Variants in PCDH9 observed in about 807,000 individuals in gnomAD.
The protein encoded by PCDH9 is protocadherin 9, also known as protocadherin-9.
Under a neutral mutation model 70.6 loss-of-function variants are expected in PCDH9, and 24 were observed. That is an observed-to-expected ratio of 0.34 (90% CI 0.25 to 0.48). The LOEUF (loss-of-function observed/expected upper bound fraction) is 0.48, where lower values mean the gene tolerates loss of function less well. PCDH9 is among the 20% of genes least tolerant of loss of function. The pLI is 0.99. For missense variants in PCDH9, 1,281 were observed against 1,503.6 expected (o/e 0.85, Z 2.45); for synonymous variants, 562 against 558.5 (o/e 1.01, Z -0.09).
At chr13:66,530,427 A>G (rs1960402375) in intron 4 of PCDH9, among the ~76,000 whole-genome samples, 1 of 152,082 alleles carries the variant, frequency 6.6e-6, no homozygotes, top group African/African-American at 2.4e-5. Context: ...AATTATGTCC[A>G]TAGTTATACC....
chr13:66,760,651 G>A (rs944916064), intron 3 of PCDH9, among the ~76,000 whole-genome samples: 2 of 152,132 alleles, frequency 1.3e-5, no homozygotes, highest in African/African-American at 4.8e-5. Flanking sequence ...GGATATCAGC[G>A]ATTTTCAGGC....
At position 66,462,627 on chromosome 13, in the gene PCDH9, T is replaced by C. The variant is rs1199596914; in HGVS notation, c.3341-157599A>G. Among the ~76,000 whole-genome samples, 4 of 151,834 alleles carry C rather than the reference T, an allele frequency of 2.6e-5. No individual in the cohort carries two copies. The East Asian group carries it at 5.8e-4, about 22-fold the overall frequency. On this transcript the variant is annotated intron_variant, in intron 4 of 4. Transcript: ENST00000377865. ...CTTGGTCTGAAATATGGCCTGGGCT[T>C]TGAAACATTAAAAAGATTCCCAGGT...
At chr13:66,471,947 G>A (rs1395319142) in intron 4 of PCDH9, among the ~76,000 whole-genome samples, 3 of 152,066 alleles carry the variant, frequency 2.0e-5, no homozygotes, top group Admixed American at 1.3e-4. Flanking sequence ...GCAGTGGTTC[G>A]CGCCTGTAAA....
intron 2 of PCDH9, among the ~76,000 whole-genome samples, chr13:67,041,818 G>A (rs1201904642): frequency 7.2e-5 from 9 of 125,184 alleles, no homozygotes; most frequent in Non-Finnish European, 1.2e-4. Flanking sequence ...GCCACAGAGT[G>A]AGACTCTGTC....
intron 4 of PCDH9, among the ~76,000 whole-genome samples, chr13:66,472,315 A>G (rs1356819366): frequency 6.6e-6 from 1 of 152,060 alleles, no homozygotes; most frequent in Non-Finnish European, 1.5e-5. Flanking sequence ...CGTGCCTGCA[A>G]TCCCAGAACT....
intron 3 of PCDH9, among the ~76,000 whole-genome samples, chr13:66,865,078 T>C (rs1003310118): frequency 7.2e-5 from 11 of 152,318 alleles, no homozygotes; most frequent in Non-Finnish European, 1.3e-4. Flanking sequence ...AAACAGAATC[T>C]TCATACTTTT....
chr13:67,070,046 C>CTAACCTAGTCATGTAATACT (rs1377232270), intron 2 of PCDH9, among the ~76,000 whole-genome samples: 1 of 150,818 alleles, frequency 6.6e-6, no homozygotes. Context: ...CTAGGTCATG[C>CTAACCTAGTCATGTAATACT]AGGTTAAAGT....
chr13:66,622,835 T>G (rs1184830815), intron 4 of PCDH9, among the ~76,000 whole-genome samples: 4 of 151,960 alleles, frequency 2.6e-5, no homozygotes, highest in African/African-American at 9.7e-5. Context: ...TTTCTCTCTT[T>G]GGAATAAATC....
chr13:66,313,547 G>T (rs899623813), intron 4 of PCDH9, among the ~76,000 whole-genome samples: 1 of 152,190 alleles, frequency 6.6e-6, no homozygotes, highest in Non-Finnish European at 1.5e-5. Flanking sequence ...CCTTTAAAAA[G>T]TGTTGCAAAA....
chr13:66,829,176 C>A (rs941873966), intron 3 of PCDH9, among the ~76,000 whole-genome samples: 2 of 152,058 alleles, frequency 1.3e-5, no homozygotes, highest in African/African-American at 4.8e-5. Flanking sequence ...TGCCACCATG[C>A]CCGGCTAGTA....
intron 4 of PCDH9, among the ~76,000 whole-genome samples, chr13:66,611,972 A>G (rs1054803545): frequency 6.6e-6 from 1 of 152,216 alleles, no homozygotes; most frequent in African/African-American, 2.4e-5. Context: ...CACTACATAC[A>G]CTTTTCTTCA....
At chr13:67,029,734 A>G (rs557810225) in intron 2 of PCDH9, among the ~76,000 whole-genome samples, 6 of 152,360 alleles carry the variant, frequency 3.9e-5, no homozygotes, top group Non-Finnish European at 7.3e-5. Context: ...ACATTTAAAC[A>G]TAAATAATAA....
At chr13:66,521,974 C>T (rs1960009530) in intron 4 of PCDH9, among the ~76,000 whole-genome samples, 1 of 150,336 alleles carries the variant, frequency 6.7e-6, no homozygotes, top group South Asian at 2.1e-4. Flanking sequence ...CATTGCTGCA[C>T]TCCAGCCTGA....
At chr13:66,680,844 ATATCAT>A (rs1408924102) in intron 3 of PCDH9, among the ~76,000 whole-genome samples, 2 of 152,066 alleles carry the variant, frequency 1.3e-5, no homozygotes, top group Non-Finnish European at 2.9e-5. Flanking sequence ...CTTGCAACCA[ATATCAT>A]CCAACAAAAA....
intron 3 of PCDH9, among the ~76,000 whole-genome samples, chr13:66,894,871 G>A (rs564799434): frequency 2.0e-3 from 296 of 151,538 alleles, no homozygotes; most frequent in African/African-American, 6.6e-3. Context: ...GCAGTGGCAC[G>A]ATCTCAGCTT....
At chr13:66,757,205 G>A (rs2079550898) in intron 3 of PCDH9, among the ~76,000 whole-genome samples, 1 of 152,142 alleles carries the variant, frequency 6.6e-6, no homozygotes, top group African/African-American at 2.4e-5. Flanking sequence ...CTGTCTTCTA[G>A]AGCAACTTTG....
chr13:67,018,695 G>A (rs978359194), intron 2 of PCDH9, among the ~76,000 whole-genome samples: 41 of 150,750 alleles, frequency 2.7e-4, no homozygotes, highest in African/African-American at 9.5e-4. Context: ...ATTCTCTGAC[G>A]AGGCTCCCAG....
chr13:66,493,362 T>C (rs545762337), intron 4 of PCDH9, among the ~76,000 whole-genome samples: 18 of 152,304 alleles, frequency 1.2e-4, no homozygotes, highest in African/African-American at 4.1e-4. Flanking sequence ...TTCGCAAGGT[T>C]CTATTCTTAA....
chr13:67,162,663 G>A (rs1015802718), intron 2 of PCDH9, among the ~76,000 whole-genome samples: 1 of 152,160 alleles, frequency 6.6e-6, no homozygotes, highest in African/African-American at 2.4e-5. Context: ...AAACTCCCGA[G>A]TGAGTAGAGA....
Sources: gnomAD v4.1 joint callset for allele counts (sites outside exome capture counted in the v4.1 genomes callset) on GRCh38, gnomAD v4.1.1 for gene constraint, MANE v1.5 for transcripts, NCBI Gene and HGNC (gene_info 2026-07-23, HGNC 2026-07-21) for gene names.